Variants in ADGRV1 observed in about 807,000 individuals in gnomAD.
ADGRV1 encodes G-protein coupled receptor 98.
ADGRV1 carries 359 observed loss-of-function variants against 596.2 expected under a neutral mutation model. The observed-to-expected ratio is 0.60, with a 90% confidence interval of 0.55 to 0.66. The LOEUF (loss-of-function observed/expected upper bound fraction) is 0.66, where lower values mean the gene tolerates loss of function less well. ADGRV1 is among the 30% of genes least tolerant of loss of function. ADGRV1 has a pLI of 0.00. For synonymous variants in ADGRV1, 2,681 were observed against 2,679.2 expected, an observed-to-expected ratio of 1.00 and a Z score of -0.02; for missense variants, 7,274 against 7,575.6, an observed-to-expected ratio of 0.96 and a Z score of 1.48.
Position 90,627,578 on chromosome 5 carries a change from T to C in ADGRV1, c.1040T>C (p.Val347Ala), listed in dbSNP as rs1373539577. The C allele has an allele frequency of 1.9e-6, 3 of 1,613,938 alleles. No homozygotes were observed. The highest frequency in any genetic ancestry group is 2.5e-6 in the Non-Finnish European group (3 of 1,179,854). ...GAATCTCACTTGAAATTTCAAATAG[T>C]TGATGACACCATACCGGAGATTGCT... ...IHESHLKFQI[V>A]DDTIPEIAES... The change falls in exon 7 of 90, where the codon GTT (valine) becomes GCT (alanine). Residue 347 changes from valine to alanine, a missense_variant. By Grantham distance (64) the Val-to-Ala change is moderately conservative. Transcript: ENST00000405460.
intron 1 of ADGRV1, among the ~76,000 whole-genome samples, chr5:90,596,814 C>A (rs1229805047): frequency 6.6e-6 from 1 of 150,420 alleles, no homozygotes; most frequent in East Asian, 2.0e-4. Context: ...GGGGAGAGGG[C>A]GAGGGCGAGG....
At chr5:90,580,939 C>G (rs1316576520) in intron 1 of ADGRV1, among the ~76,000 whole-genome samples, 2 of 152,094 alleles carry the variant, frequency 1.3e-5, no homozygotes, top group Non-Finnish European at 2.9e-5. Flanking sequence ...TTTTTGAAGG[C>G]TTTGTTCGTT....
At chr5:91,148,913 G>C (rs1016318155) in intron 87 of ADGRV1, among the ~76,000 whole-genome samples, 2 of 152,156 alleles carry the variant, frequency 1.3e-5, no homozygotes, top group African/African-American at 4.8e-5. Flanking sequence ...ATCATTTTTT[G>C]ACTTTAAGGA....
chr5:90,976,322 G>GTATATATATATATA (rs70973719), intron 84 of ADGRV1, among the ~76,000 whole-genome samples: 77 of 108,594 alleles, frequency 7.1e-4, no homozygotes, highest in African/African-American at 2.8e-3. Flanking sequence ...GTGTGTGTGT[G>GTATATATATATATA]TATATATATA....
intron 4 of ADGRV1, among the ~76,000 whole-genome samples, chr5:90,620,833 C>A (rs1763970426): frequency 2.0e-5 from 3 of 152,028 alleles, no homozygotes; most frequent in Admixed American, 6.6e-5. Flanking sequence ...CAGTTACTTT[C>A]AAAAAACTTA....
chr5:91,074,728 G>T (rs1357013306), intron 86 of ADGRV1, among the ~76,000 whole-genome samples: 1 of 152,138 alleles, frequency 6.6e-6, no homozygotes, highest in Non-Finnish European at 1.5e-5. Context: ...ATTCTGCTTT[G>T]AGTTCTTTGA....
At chr5:90,667,825 A>G (rs1771707155) in intron 21 of ADGRV1, among the ~76,000 whole-genome samples, 1 of 152,044 alleles carries the variant, frequency 6.6e-6, no homozygotes, top group Non-Finnish European at 1.5e-5. Context: ...TTTTCCTTCT[A>G]ACAGACAGGA....
chr5:90,761,128 G>C (rs900715957), intron 58 of ADGRV1, among the ~76,000 whole-genome samples: 2 of 152,226 alleles, frequency 1.3e-5, no homozygotes, highest in Non-Finnish European at 2.9e-5. Context: ...CTACTGTCCT[G>C]TGGATGGAAG....
chr5:90,949,672 A>C (rs1410341627), intron 83 of ADGRV1, among the ~76,000 whole-genome samples: 2 of 152,234 alleles, frequency 1.3e-5, no homozygotes, highest in Non-Finnish European at 2.9e-5. Flanking sequence ...TTTTTGCATA[A>C]CAGAGTGCCC....
At chr5:90,720,838 A>T (rs1445920244) in intron 44 of ADGRV1, 97 bp from the exon 45 acceptor site, 23 of 1,007,330 alleles carry the variant, frequency 2.3e-5, no homozygotes, top group Non-Finnish European at 2.7e-5. Context: ...GTGTAAATTT[A>T]AAAATGTATT....
chr5:90,616,716 C>T (rs553404133), intron 2 of ADGRV1, among the ~76,000 whole-genome samples: 43 of 152,196 alleles, frequency 2.8e-4, no homozygotes, highest in Admixed American at 1.6e-3. Flanking sequence ...AGGGGAATAT[C>T]CCTCACTTCA....
chr5:91,054,098 T>TGAGA (rs1285420454), intron 85 of ADGRV1, among the ~76,000 whole-genome samples: 7,300 of 123,408 alleles, frequency 0.059, 267 homozygotes, highest in Admixed American at 0.17. Context: ...TGTGTGTGTG[T>TGAGA]GTGTGAGAGA....
Position 91,150,109 on chromosome 5 carries a change from T to C in ADGRV1, c.18512T>C (p.Met6171Thr), listed in dbSNP as rs754433290. 43 of 1,577,864 alleles carry C rather than the reference T, an allele frequency of 2.7e-5. No individual in the cohort carries two copies. Among genetic ancestry groups the C allele is most frequent in the Non-Finnish European group, 3.4e-5 (39 of 1,161,644 alleles). Residue 6171 changes from methionine (M) to threonine (T), a missense_variant, in exon 88 of 90, where the codon ATG (methionine) becomes ACG (threonine). Physicochemically the swap from Met to Thr is moderately conservative, Grantham distance 81. Coordinates refer to ENST00000405460, the MANE Select transcript of ADGRV1 (RefSeq NM_032119.4). Reference sequence around the variant, plus strand: ...ATGAAGGCCAGTTACACTGTGGAAATGAATGGGCATCCTGGACCCAGCACA... The same window carrying C: ...ATGAAGGCCAGTTACACTGTGGAAACGAATGGGCATCCTGGACCCAGCACA... ...CPMKASYTVE[M>T]NGHPGPSTAF...
chr5:90,575,632 C>T (rs1023545000), intron 1 of ADGRV1, among the ~76,000 whole-genome samples: 2 of 152,186 alleles, frequency 1.3e-5, no homozygotes, highest in South Asian at 4.1e-4. Flanking sequence ...CTAGACCAAT[C>T]CTGTCTCCAC....
chr5:90,755,150 A>G lies in ADGRV1; in HGVS notation c.11545A>G (p.Ile3849Val). Reference sequence around the variant, plus strand: ...AACAATAATAATAATGAAAGAAAACATAAAAGAAGCTCATGCCGAAGTTTC... The same window carrying G: ...AACAATAATAATAATGAAAGAAAACGTAAAAGAAGCTCATGCCGAAGTTTC... Reference protein sequence around the residue: ...QETIIIMKENIKEAHAEVSIL... With the variant: ...QETIIIMKENVKEAHAEVSIL... The change falls in exon 55 of 90, where the codon ATA (isoleucine) becomes GTA (valine). Residue 3849 changes from isoleucine (I) to valine (V), a missense_variant. By Grantham distance (29) the Ile-to-Val change is conservative. Around this residue, in one of 5 missense-constraint regions of ADGRV1, gnomAD observed 3,643 missense variants for 3,809.2 expected, o/e 0.96. Coordinates refer to ENST00000405460, the MANE Select transcript of ADGRV1 (RefSeq NM_032119.4). The G allele has an allele frequency of 1.9e-6, 3 of 1,608,446 alleles. No homozygotes were observed. In the South Asian group the frequency reaches 3.3e-5, roughly 18 times the overall value.
intron 84 of ADGRV1, among the ~76,000 whole-genome samples, chr5:90,978,896 CAATT>C (rs1161788259): frequency 6.6e-6 from 1 of 152,052 alleles, no homozygotes; most frequent in Non-Finnish European, 1.5e-5. Flanking sequence ...TCATATTTCT[CAATT>C]AAAATTATAT....
At chr5:91,115,866 G>C (rs1187862612) in intron 87 of ADGRV1, among the ~76,000 whole-genome samples, 1 of 152,158 alleles carries the variant, frequency 6.6e-6, no homozygotes, top group Admixed American at 6.5e-5. Context: ...AGAATCGCTT[G>C]AACACTGGAG....
chr5:90,782,869 A>G (rs564061922), intron 65 of ADGRV1, among the ~76,000 whole-genome samples: 5 of 152,276 alleles, frequency 3.3e-5, no homozygotes, highest in Admixed American at 2.6e-4. Context: ...GAGAATGCCA[A>G]TGCTACTGAT....
At chr5:91,106,845 G>A (rs1791919682) in intron 87 of ADGRV1, among the ~76,000 whole-genome samples, 1 of 152,138 alleles carries the variant, frequency 6.6e-6, no homozygotes, top group African/African-American at 2.4e-5. Context: ...ACAGAGATAA[G>A]GCTAATGAAA....
Sources: allele counts gnomAD v4.1 joint callset (sites outside exome capture counted in the v4.1 genomes callset), GRCh38; gene constraint gnomAD v4.1.1; regional missense constraint gnomAD v4.1.1; transcripts MANE v1.5; gene names NCBI Gene and HGNC (gene_info 2026-07-23, HGNC 2026-07-21).